Variants in VPS13B observed in about 807,000 individuals in gnomAD.
VPS13B encodes vacuolar protein sorting 13 homolog B.
A neutral mutation model predicts 426.4 loss-of-function variants in VPS13B; 285 were observed. The ratio of observed to expected loss-of-function variants is 0.67; its 90% CI spans 0.61 to 0.74. The LOEUF (loss-of-function observed/expected upper bound fraction) is 0.74, where lower values mean the gene tolerates loss of function less well. Among genes scored for constraint, VPS13B ranks in the 30% least tolerant of loss-of-function variants. The probability of loss-of-function intolerance (pLI) is 0.00; values close to 1 mark genes in which losing one functional copy is unlikely to be tolerated. For synonymous variants in VPS13B, 1,676 were observed against 1,676.4 expected (o/e 1.00, Z 0.01); for missense variants, 4,537 against 4,782.6 (o/e 0.95, Z 1.51).
chr8:99,183,925 A>G (rs1255375189), intron 16 of VPS13B, among the ~76,000 whole-genome samples: 1 of 152,178 alleles, frequency 6.6e-6, no homozygotes, highest in Non-Finnish European at 1.5e-5. Flanking sequence ...CCCAACTTCA[A>G]GGAACTGTAG....
chr8:99,659,473 T>C (rs1383488523), intron 34 of VPS13B, among the ~76,000 whole-genome samples: 1 of 152,156 alleles, frequency 6.6e-6, no homozygotes, highest in Admixed American at 6.5e-5. Flanking sequence ...TGTCAGCCCT[T>C]ATGTTTTTTA....
chr8:99,486,081 T>G (rs1273710664), intron 25 of VPS13B, among the ~76,000 whole-genome samples: 1 of 152,286 alleles, frequency 6.6e-6, no homozygotes, highest in East Asian at 1.9e-4. Context: ...GAATTGTCCC[T>G]ACAGAGCATT....
intron 19 of VPS13B, among the ~76,000 whole-genome samples, chr8:99,293,046 A>T (rs1274112378): frequency 6.6e-6 from 1 of 152,120 alleles, no homozygotes; most frequent in Non-Finnish European, 1.5e-5. Flanking sequence ...GCACCATTTA[A>T]AGTTCATATG....
chr8:99,396,827 A>G (rs983957240), intron 21 of VPS13B, among the ~76,000 whole-genome samples: 1 of 152,018 alleles, frequency 6.6e-6, no homozygotes, highest in South Asian at 2.1e-4. Context: ...CCTGGATGAG[A>G]CTCAAAAGTG....
Position 99,347,366 on chromosome 8 carries a change from A to G in VPS13B, c.2825-36842A>G, listed in dbSNP as rs180804974. The G allele has an allele frequency of 9.5e-4, 156 of 163,654 alleles. 2 individuals are homozygous for G. The highest frequency in any genetic ancestry group is 3.6e-3 in the African/African-American group (151 of 41,862). The allele number at this position is 163,654 out of a possible 1,614,324, so 10.1% of individuals were successfully genotyped here. On this transcript the variant is annotated intron_variant, in intron 19 of 61. Transcript: ENST00000357162. ...CTTCAGCTTGTTGAGGTTAATTTTTACCTGTCATTTATAATGGCAATCAGG... is the reference window on the plus strand; with the variant it reads ...CTTCAGCTTGTTGAGGTTAATTTTTGCCTGTCATTTATAATGGCAATCAGG...
chr8:99,329,761 C>T (rs1206464128), intron 19 of VPS13B, among the ~76,000 whole-genome samples: 1 of 151,942 alleles, frequency 6.6e-6, no homozygotes, highest in Non-Finnish European at 1.5e-5. Flanking sequence ...ATCATCTTGA[C>T]AGATTCTAGT....
intron 56 of VPS13B, among the ~76,000 whole-genome samples, chr8:99,857,307 C>T (rs1052680786): frequency 2.6e-5 from 4 of 152,300 alleles, no homozygotes; most frequent in East Asian, 1.9e-4. Context: ...ACAGGCCTGT[C>T]GTGGGGGACA....
rs761662780 is a variant in VPS13B at position 99,817,705 on chromosome 8, G to C, written c.8263G>C (p.Glu2755Gln). Reference protein sequence around the residue: ...KLPSYILENNELTELCVKAKG... With the variant: ...KLPSYILENNQLTELCVKAKG... ...GCCTTCGTACATACTAGAAAACAAT[G>C]AACTGACGGAGCTGTGTGTGAAGGC... Residue 2755 changes from glutamate (E) to glutamine (Q), a missense_variant, in exon 45 of 62, where the codon GAA becomes CAA. Physicochemically the swap from Glu to Gln is conservative, Grantham distance 29 (BLOSUM62 2). Around this residue, in one of 2 missense-constraint regions of VPS13B, gnomAD observed 4,311 missense variants for 4,474.3 expected, o/e 0.96. Transcript: ENST00000357162. 6.2e-7 allele frequency: 1 copy of C among 1,614,046 alleles called. No homozygotes were observed. The highest frequency in any genetic ancestry group is 8.5e-7 in the Non-Finnish European group (1 of 1,179,976).
At chr8:99,216,373 A>G (rs1815390708) in intron 17 of VPS13B, among the ~76,000 whole-genome samples, 1 of 151,746 alleles carries the variant, frequency 6.6e-6, no homozygotes. Context: ...ATACCTCACT[A>G]CCCTCTCCTC....
intron 36 of VPS13B, among the ~76,000 whole-genome samples, chr8:99,715,940 G>A (rs1832898533): frequency 6.6e-6 from 1 of 151,948 alleles, no homozygotes; most frequent in Non-Finnish European, 1.5e-5. Context: ...TTTTATTTGG[G>A]GGTATTTTGG....
intron 21 of VPS13B, among the ~76,000 whole-genome samples, chr8:99,422,382 T>C (rs1816424066): frequency 1.3e-5 from 2 of 152,252 alleles, no homozygotes; most frequent in African/African-American, 4.8e-5. Context: ...TGCTTGACGG[T>C]GGTTTAATAG....
chr8:99,059,925 G>A (rs550725925), intron 3 of VPS13B, among the ~76,000 whole-genome samples: 5 of 151,750 alleles, frequency 3.3e-5, no homozygotes, highest in Admixed American at 6.6e-5. Context: ...TCGTAGAGAC[G>A]GGGTTTCAGC....
At chr8:99,274,650 GTTGTTA>G (rs1818801710) in intron 18 of VPS13B, among the ~76,000 whole-genome samples, 2 of 152,000 alleles carry the variant, frequency 1.3e-5, no homozygotes, top group Non-Finnish European at 2.9e-5. Context: ...AAATTAAAAA[GTTGTTA>G]TTGTAATATA....
chr8:99,602,730 A>G (rs940084756), intron 33 of VPS13B, among the ~76,000 whole-genome samples: 1 of 149,908 alleles, frequency 6.7e-6, no homozygotes, highest in African/African-American at 2.5e-5. Context: ...GCATTCCTAT[A>G]CACCAATAAT....
intron 33 of VPS13B, among the ~76,000 whole-genome samples, chr8:99,635,217 TA>T (rs1829022799): frequency 6.6e-6 from 1 of 152,040 alleles, no homozygotes; most frequent in South Asian, 2.1e-4. Flanking sequence ...GATAAGATGT[TA>T]ACTTTTTGGA....
At chr8:99,698,100 C>T (rs1242325650) in intron 35 of VPS13B, 1 of 299,768 alleles carries the variant, frequency 3.3e-6, no homozygotes, top group African/African-American at 2.2e-5. Context: ...AGGTGATTCT[C>T]AGTGGCTCAT....
At chr8:99,670,387 G>A (rs2510200) in intron 35 of VPS13B, among the ~76,000 whole-genome samples, 28,445 of 151,922 alleles carry the variant, frequency 0.19, 3,238 homozygotes, top group East Asian at 0.45. Context: ...AAGGTGTACA[G>A]TGTGGTGTTT....
chr8:99,148,054 A>G (rs879198136), intron 14 of VPS13B, 44 bp downstream of exon 14: 1 of 1,363,422 alleles, frequency 7.3e-7, no homozygotes, highest in Non-Finnish European at 1.0e-6. Context: ...TCATATATGG[A>G]TTTTTTTTTT....
In VPS13B at chr8:99,501,896, GTCCCTCCCTCCC is replaced by G. The variant is rs554230536; in HGVS notation, c.4042+60_4042+71del. ...TTTTCTTTCTTCCCTCCCTCCCTCTGTCCCTCCCTCCCTCCCTCCCTCCCTCCCTCCCTTCCT... is the reference window on the plus strand; with the variant it reads ...TTTTCTTTCTTCCCTCCCTCCCTCTGTCCCTCCCTCCCTCCCTCCCTTCCT... On this transcript the variant is annotated intron_variant, in intron 26 of 61. Coordinates refer to ENST00000357162, the MANE Select transcript of VPS13B (RefSeq NM_152564.5). The G allele has an allele frequency of 9.7e-4, 1,354 of 1,389,798 alleles. 11 individuals are homozygous for G. The highest frequency in any genetic ancestry group is 5.7e-3 in the South Asian group (481 of 84,638). The allele number at this position is 1,389,798 out of a possible 1,614,324, so 86.1% of individuals were successfully genotyped here.
Sources: gnomAD v4.1 joint callset for allele counts (sites outside exome capture counted in the v4.1 genomes callset) on GRCh38, gnomAD v4.1.1 for gene constraint, gnomAD v4.1.1 regional missense constraint, MANE v1.5 for transcripts, NCBI Gene and HGNC (gene_info 2026-07-23, HGNC 2026-07-21) for gene names.